INPP4A: variants seen among roughly 807,000 people sequenced by gnomAD.
INPP4A encodes the protein inositol polyphosphate-4-phosphatase, type I, 107kD.
A neutral mutation model predicts 119.8 loss-of-function variants in INPP4A; 33 were observed. The ratio of observed to expected loss-of-function variants is 0.28; its 90% CI spans 0.21 to 0.37. The LOEUF is 0.37. INPP4A is among the 10% of genes least tolerant of loss of function. The pLI is 1.00. For synonymous variants in INPP4A, 496 were observed against 500.7 expected, an observed-to-expected ratio of 0.99 and a Z score of 0.12; for missense variants, 956 against 1,289.9, an observed-to-expected ratio of 0.74 and a Z score of 3.97.
At chr2:98,461,355 G>A (rs1697119172) in intron 1 of INPP4A, among the ~76,000 whole-genome samples, 1 of 152,240 alleles carries the variant, frequency 6.6e-6, no homozygotes, top group Non-Finnish European at 1.5e-5. Context: ...TGCCAAGGCC[G>A]TGGCAGTCAC....
intron 4 of INPP4A, among the ~76,000 whole-genome samples, chr2:98,524,237 G>T (rs1687776055): frequency 6.7e-6 from 1 of 150,354 alleles, no homozygotes; most frequent in Non-Finnish European, 1.5e-5. Context: ...AATATATGCA[G>T]TTTACCTCAA....
intron 10 of INPP4A, among the ~76,000 whole-genome samples, chr2:98,541,782 G>A (rs1262942380): frequency 6.6e-6 from 1 of 152,182 alleles, no homozygotes; most frequent in Non-Finnish European, 1.5e-5. Context: ...ACAGGGTCTT[G>A]CTGTGTTGCC....
intron 13 of INPP4A, chr2:98,549,030 T>G: frequency 6.5e-7 from 1 of 1,538,812 alleles, no homozygotes; most frequent in Non-Finnish European, 8.9e-7. Flanking sequence ...CAGAGAAAGC[T>G]TGTGCCATCC....
In INPP4A at chr2:98,543,967, C is replaced by T. The variant is rs764941417; in HGVS notation, c.909C>T (p.Leu303=). ...QIVTQYQTII[L]TYQENLTDLH... ...TCACCCAGTACCAGACCATCATCCT[C>T]ACATACCAGGAGAACCTGACCGACC... Residue 303 remains leucine (L), a synonymous_variant, in exon 11 of 25, where the codon CTC becomes CTT. Coordinates refer to ENST00000409851, the MANE Select transcript of INPP4A (RefSeq NM_001134225.2). 6.3e-7 allele frequency: 1 copy of T among 1,587,700 alleles called. No individual in the cohort carries two copies. Among genetic ancestry groups the T allele is most frequent in the Non-Finnish European group, 8.6e-7 (1 of 1,166,176 alleles).
intron 4 of INPP4A, among the ~76,000 whole-genome samples, chr2:98,531,054 T>A (rs1465654102): frequency 6.6e-6 from 1 of 152,206 alleles, no homozygotes; most frequent in East Asian, 1.9e-4. Flanking sequence ...GTCTCTTCTT[T>A]TAAAGGCACT....
chr2:98,532,527 T>C (rs1356663431), intron 4 of INPP4A, among the ~76,000 whole-genome samples: 1 of 152,192 alleles, frequency 6.6e-6, no homozygotes, highest in Admixed American at 6.5e-5. Context: ...AATGTGTCAT[T>C]AGGTGATTTC....
chr2:98,532,851 A>T (rs369968908), intron 4 of INPP4A, among the ~76,000 whole-genome samples: 2 of 152,236 alleles, frequency 1.3e-5, no homozygotes, highest in East Asian at 3.9e-4. Flanking sequence ...ACAATGGCTC[A>T]CTTAAGAAAA....
At chr2:98,513,528 A>G (rs571237796) in intron 1 of INPP4A, among the ~76,000 whole-genome samples, 1 of 152,334 alleles carries the variant, frequency 6.6e-6, no homozygotes, top group East Asian at 1.9e-4. Context: ...TTCTGCTGCC[A>G]TTGGCTATTG....
chr2:98,468,578 A>G (rs1351548334), intron 1 of INPP4A, among the ~76,000 whole-genome samples: 1 of 151,964 alleles, frequency 6.6e-6, no homozygotes, highest in Non-Finnish European at 1.5e-5. Context: ...GGGGAGGGTA[A>G]TAAAGGAAGG....
At chr2:98,514,407 A>G (rs1482465684) in intron 1 of INPP4A, among the ~76,000 whole-genome samples, 2 of 152,138 alleles carry the variant, frequency 1.3e-5, no homozygotes, top group Non-Finnish European at 2.9e-5. Flanking sequence ...CGGTAAGAGT[A>G]TATCTTTGTA....
At chr2:98,579,347 A>G (rs1324848988) in intron 24 of INPP4A, among the ~76,000 whole-genome samples, 1 of 152,212 alleles carries the variant, frequency 6.6e-6, no homozygotes, top group Non-Finnish European at 1.5e-5. Flanking sequence ...CACCATGCCC[A>G]GCCGCATTTT....
intron 21 of INPP4A, among the ~76,000 whole-genome samples, chr2:98,567,815 G>A (rs549714879): frequency 1.1e-3 from 161 of 152,270 alleles, no homozygotes; most frequent in Non-Finnish European, 1.8e-3. Flanking sequence ...TAGAGAAAAG[G>A]CCATTGTGGA....
At chr2:98,477,267 T>G (rs1448821107) in intron 1 of INPP4A, among the ~76,000 whole-genome samples, 1 of 152,232 alleles carries the variant, frequency 6.6e-6, no homozygotes, top group East Asian at 1.9e-4. Context: ...CACAGCATGC[T>G]GTGTGCAGCT....
chr2:98,496,119 G>C (rs1266581595), intron 1 of INPP4A, among the ~76,000 whole-genome samples: 1 of 152,026 alleles, frequency 6.6e-6, no homozygotes, highest in Non-Finnish European at 1.5e-5. Context: ...CTGGTCAATT[G>C]TGCCTAAATT....
rs983644407 is a variant in INPP4A, at chr2:98,590,944, T to G, written c.*3336T>G. The G allele has an allele frequency of 1.3e-5, 3 of 231,478 alleles. No homozygotes were observed. The highest frequency in any genetic ancestry group is 2.6e-5 in the Non-Finnish European group (3 of 116,986). The allele number at this position is 231,478 out of a possible 1,614,324, so 14.3% of individuals were successfully genotyped here. On this transcript the variant is annotated 3_prime_UTR_variant, in exon 25 of 25. Coordinates refer to ENST00000409851, the MANE Select transcript of INPP4A (RefSeq NM_001134225.2). ...GTGAACACTGAACATCTTTTATACC[T>G]TTATGATATTTCTATGTTTGTGACT...
intron 1 of INPP4A, among the ~76,000 whole-genome samples, chr2:98,507,381 A>G (rs1684276460): frequency 6.6e-6 from 1 of 152,258 alleles, no homozygotes; most frequent in Non-Finnish European, 1.5e-5. Flanking sequence ...TACAATGTAA[A>G]GCCATCTAGT....
At position 98,554,477 on chromosome 2, in the gene INPP4A, C is replaced by G. The variant is rs766079936; in HGVS notation, c.1554C>G (p.His518Gln). The G allele has an allele frequency of 5.0e-6, 8 of 1,613,224 alleles. No homozygotes were observed. Among genetic ancestry groups the G allele is most frequent in the African/African-American group, 2.7e-5 (2 of 74,900 alleles). The change falls in exon 15 of 25, where the codon CAC becomes CAG. Residue 518 changes from histidine (H) to glutamine (Q), a missense_variant. Coordinates refer to ENST00000409851, the MANE Select transcript of INPP4A (RefSeq NM_001134225.2). The surrounding 1 kb of genome is among the most constrained non-coding windows in gnomAD (Gnocchi z 4.7). The stretch of plus-strand genomic sequence containing the variant: ...GATCTTCCCTGCAGGTGGACTGGCA[C>G]GAGGAGGAGTGGGTGAGTCTGCTGC... ...NSRSSLQVDW[H>Q]EEEWEKVWLN...
intron 1 of INPP4A, among the ~76,000 whole-genome samples, chr2:98,467,558 C>G (rs1336768331): frequency 6.6e-6 from 1 of 152,220 alleles, no homozygotes; most frequent in African/African-American, 2.4e-5. Context: ...CATCAGTGTC[C>G]TTTGCCCTTG....
intron 23 of INPP4A, among the ~76,000 whole-genome samples, chr2:98,574,141 TGCTC>T (rs1323304112): frequency 2.0e-5 from 3 of 152,160 alleles, no homozygotes; most frequent in African/African-American, 7.2e-5. Flanking sequence ...TGGCATTGCT[TGCTC>T]AGGCCAGGCC....
Sources: gnomAD v4.1 joint callset for allele counts (sites outside exome capture counted in the v4.1 genomes callset) on GRCh38, gnomAD v4.1.1 for gene constraint, Gnocchi (gnomAD v3.1) non-coding constraint, MANE v1.5 for transcripts, NCBI Gene and HGNC (gene_info 2026-07-23, HGNC 2026-07-21) for gene names.